CDK6: variants seen among roughly 807,000 people sequenced by gnomAD.
The protein encoded by CDK6 is cyclin dependent kinase 6, also known as cyclin-dependent kinase 6.
A neutral mutation model predicts 37.1 loss-of-function variants in CDK6; 6 were observed. The ratio of observed to expected loss-of-function variants is 0.16; its 90% CI spans 0.09 to 0.32. The LOEUF (loss-of-function observed/expected upper bound fraction) is 0.32. CDK6 is among the 10% of genes least tolerant of loss of function. CDK6 has a pLI of 1.00. For missense variants in CDK6, 224 were observed against 418.9 expected (o/e 0.53, Z 4.06); for synonymous variants, 160 against 161.3 (o/e 0.99, Z 0.06).
intron 3 of CDK6, among the ~76,000 whole-genome samples, chr7:92,727,072 A>T (rs1409540843): frequency 6.6e-6 from 1 of 152,220 alleles, no homozygotes; most frequent in African/African-American, 2.4e-5. Context: ...AAGATTTAAT[A>T]CTCAGGGACA....
intron 4 of CDK6, among the ~76,000 whole-genome samples, chr7:92,675,420 T>C (rs1423576270): frequency 3.3e-5 from 5 of 152,218 alleles, no homozygotes; most frequent in Non-Finnish European, 5.9e-5. Context: ...ATTAGTTACA[T>C]TAACAGATTT....
At chr7:92,695,736 C>G (rs1366083446) in intron 4 of CDK6, among the ~76,000 whole-genome samples, 1 of 152,166 alleles carries the variant, frequency 6.6e-6, no homozygotes, top group Non-Finnish European at 1.5e-5. Flanking sequence ...TGGCTGGGAG[C>G]CAATGTTTAC....
chr7:92,823,739 A>G (rs776309637), intron 2 of CDK6, among the ~76,000 whole-genome samples: 1 of 152,090 alleles, frequency 6.6e-6, no homozygotes, highest in East Asian at 1.9e-4. Flanking sequence ...GTTCTTCTAA[A>G]AAGTTTTAAA....
At chr7:92,635,522 T>G (rs1407643102) in intron 5 of CDK6, among the ~76,000 whole-genome samples, 1 of 152,204 alleles carries the variant, frequency 6.6e-6, no homozygotes, top group Non-Finnish European at 1.5e-5. Context: ...ACCATGTGAA[T>G]GAAGCAGTTA....
At chr7:92,787,050 C>T (rs956426403) in intron 2 of CDK6, among the ~76,000 whole-genome samples, 14 of 151,718 alleles carry the variant, frequency 9.2e-5, no homozygotes, top group Non-Finnish European at 1.3e-4. Flanking sequence ...GGTGTGGTGG[C>T]GCATGTCTGT....
At chr7:92,737,013 C>T (rs1217156446) in intron 3 of CDK6, among the ~76,000 whole-genome samples, 1 of 152,178 alleles carries the variant, frequency 6.6e-6, no homozygotes, top group Non-Finnish European at 1.5e-5. Flanking sequence ...GTTATTTAAT[C>T]TTCCCTCCGC....
At chr7:92,670,087 T>C (rs748008037) in intron 5 of CDK6, among the ~76,000 whole-genome samples, 3 of 152,230 alleles carry the variant, frequency 2.0e-5, no homozygotes, top group Non-Finnish European at 4.4e-5. Flanking sequence ...AACACCAGAA[T>C]AGAACTTGCA....
chr7:92,662,051 G>A (rs918149538), intron 5 of CDK6, among the ~76,000 whole-genome samples: 1 of 152,194 alleles, frequency 6.6e-6, no homozygotes, highest in African/African-American at 2.4e-5. Context: ...AGAATGGAGA[G>A]ACAAGGGCAT....
chr7:92,731,756 A>G (rs1233432611), intron 3 of CDK6, among the ~76,000 whole-genome samples: 1 of 152,224 alleles, frequency 6.6e-6, no homozygotes, highest in Non-Finnish European at 1.5e-5. Flanking sequence ...TGGAAATAAA[A>G]AAAAAAAAGA....
At chr7:92,633,707 A>C (rs79355747) in intron 5 of CDK6, among the ~76,000 whole-genome samples, 6,165 of 151,696 alleles carry the variant, frequency 0.041, 176 homozygotes, top group Non-Finnish European at 0.058. Context: ...AACTGTTCTG[A>C]AGTATTTATA....
intron 5 of CDK6, among the ~76,000 whole-genome samples, chr7:92,670,174 G>C (rs1005962331): frequency 6.6e-6 from 1 of 152,156 alleles, no homozygotes; most frequent in African/African-American, 2.4e-5. Context: ...CTCCATCTCA[G>C]TTTGTTCTTA....
At chr7:92,692,021 A>C (rs1797609944) in intron 4 of CDK6, among the ~76,000 whole-genome samples, 1 of 152,212 alleles carries the variant, frequency 6.6e-6, no homozygotes, top group Non-Finnish European at 1.5e-5. Flanking sequence ...TAATCCCAGC[A>C]CTTTGGGAGG....
At chr7:92,722,346 CCT>C (rs925408830) in intron 4 of CDK6, among the ~76,000 whole-genome samples, 9 of 152,134 alleles carry the variant, frequency 5.9e-5, no homozygotes, top group African/African-American at 2.2e-4. Flanking sequence ...ATGCTACATT[CCT>C]CTATCTCTAC....
chr7:92,775,950 T>C (rs987122582), intron 2 of CDK6, among the ~76,000 whole-genome samples: 2 of 152,198 alleles, frequency 1.3e-5, no homozygotes, highest in African/African-American at 2.4e-5. Context: ...CTGGGATATA[T>C]GTGCAGAATG....
chr7:92,621,037 G>C (rs1795795342), intron 6 of CDK6, among the ~76,000 whole-genome samples: 2 of 152,208 alleles, frequency 1.3e-5, no homozygotes, highest in South Asian at 2.1e-4. Flanking sequence ...AAAAATGCTT[G>C]CACTTAATTC....
At chr7:92,825,460 GCA>G (rs147959837) in intron 2 of CDK6, among the ~76,000 whole-genome samples, 244 of 147,952 alleles carry the variant, frequency 1.6e-3, no homozygotes, top group African/African-American at 2.3e-3. Flanking sequence ...GCACATGCGT[GCA>G]CACACACACA....
Position 92,833,119 on chromosome 7 carries a change from C to T in CDK6, c.205G>A (p.Glu69Lys). The T allele has an allele frequency of 6.2e-7, 1 of 1,604,822 alleles. No individual in the cohort carries two copies. The highest frequency in any genetic ancestry group is 2.2e-5 in the East Asian group (1 of 44,488). The change falls in exon 2 of 8, where the codon GAG becomes AAG. Residue 69 changes from glutamate (E) to lysine (K), a missense_variant. Transcript: ENST00000424848. This position sits in a 1 kb window ranked among gnomAD's most constrained non-coding sequence, Gnocchi z 6.1. The part of the protein sequence containing the change: ...IREVAVLRHL[E>K]TFEHPNVVRL... ...ACCACGTTGGGGTGCTCGAAGGTCT[C>T]CAGGTGCCTCAGCACCGCCACCTCG...
At chr7:92,765,732 A>T (rs549251771) in intron 3 of CDK6, among the ~76,000 whole-genome samples, 96 of 152,306 alleles carry the variant, frequency 6.3e-4, no homozygotes, top group African/African-American at 2.1e-3. Flanking sequence ...CTTGACTTAA[A>T]GTCTCATCTA....
chr7:92,667,705 C>G (rs549252242), intron 5 of CDK6, among the ~76,000 whole-genome samples: 1 of 152,078 alleles, frequency 6.6e-6, no homozygotes, highest in African/African-American at 2.4e-5. Flanking sequence ...GCACACACCA[C>G]CATGTCTGGT....
Sources: gnomAD v4.1 joint callset for allele counts (sites outside exome capture counted in the v4.1 genomes callset) on GRCh38, gnomAD v4.1.1 for gene constraint, Gnocchi (gnomAD v3.1) non-coding constraint, MANE v1.5 for transcripts, NCBI Gene and HGNC (gene_info 2026-07-23, HGNC 2026-07-21) for gene names.